The following CGNL1 variants were observed in gnomAD, a reference collection of about 807,000 sequenced individuals.
CGNL1 encodes cingulin like 1.
In CGNL1, 132 loss-of-function variants were observed where a neutral mutation model predicts 141.2. The ratio of observed to expected loss-of-function variants is 0.93; its 90% CI spans 0.81 to 1.08. The LOEUF (loss-of-function observed/expected upper bound fraction) is 1.08. Ranked by LOEUF, CGNL1 falls within the 50% of genes least tolerant of loss-of-function variation. CGNL1 has a pLI of 0.00. For missense variants in CGNL1, 1,870 were observed against 1,588.6 expected (o/e 1.18, Z -3.01); for synonymous variants, 690 against 622.1 (o/e 1.11, Z -1.63).
chr15:57,388,032 T>C (rs1228543942), intron 1 of CGNL1, among the ~76,000 whole-genome samples: 8 of 152,202 alleles, frequency 5.3e-5, no homozygotes, highest in African/African-American at 1.9e-4. Context: ...GAGACTGGAC[T>C]GGAAGGAGGT....
intron 2 of CGNL1, 28 bp from the exon 3 acceptor site, chr15:57,440,349 T>A: frequency 6.5e-7 from 1 of 1,548,036 alleles, no homozygotes; most frequent in African/African-American, 1.4e-5. Flanking sequence ...TTCATCCTCA[T>A]GGTCTAACAA....
At position 57,522,453 on chromosome 15, in the gene CGNL1, C is replaced by G. The variant is rs76284848; in HGVS notation, c.2716-1036C>G. 4.3e-3 allele frequency among the ~76,000 whole-genome samples: 657 copies of G among 152,312 alleles called. 2 individuals are homozygous for G. Among genetic ancestry groups the G allele is most frequent in the African/African-American group, 0.015 (621 of 41,572 alleles). On this transcript the variant is annotated intron_variant, in intron 10 of 18. Coordinates refer to ENST00000281282, the MANE Select transcript of CGNL1 (RefSeq NM_032866.5). ...CACTGTACAAATATAAACCATTGTT[C>G]TTGTGCAGTCACTGCAGGGACACAA...
intron 14 of CGNL1, among the ~76,000 whole-genome samples, chr15:57,536,247 C>T (rs1378586819): frequency 6.6e-6 from 1 of 152,202 alleles, no homozygotes; most frequent in Non-Finnish European, 1.5e-5. Flanking sequence ...AGTTACCTCC[C>T]ACTGGGTCCC....
chr15:57,441,369 A>T (rs7172846), intron 3 of CGNL1, among the ~76,000 whole-genome samples: 35,480 of 149,994 alleles, frequency 0.24, 4,352 homozygotes, highest in Non-Finnish European at 0.28. Context: ...AAAATTCATT[A>T]TTTTTTTTTT....
rs188189841 is a variant in CGNL1, at chr15:57,510,078, T to C, written c.2404-6702T>C. On this transcript the variant is annotated intron_variant, in intron 8 of 18. Transcript: ENST00000281282. ...ATTCTCTGTTTTGAGAAGTCTAGGC[T>C]TGATTTTTTTAGCTGGTAAAAAATG... Among the ~76,000 whole-genome samples, 3 of 152,238 alleles carry C rather than the reference T, an allele frequency of 2.0e-5. No individual in the cohort carries two copies. In the East Asian group the frequency reaches 5.8e-4, roughly 29 times the overall value.
intron 10 of CGNL1, among the ~76,000 whole-genome samples, chr15:57,518,899 A>G (rs2031045020): frequency 6.6e-6 from 1 of 152,130 alleles, no homozygotes; most frequent in Non-Finnish European, 1.5e-5. Flanking sequence ...ATAAAATATG[A>G]GTGGTGTGAG....
chr15:57,400,862 G>A (rs1319677732), intron 1 of CGNL1, among the ~76,000 whole-genome samples: 2 of 129,820 alleles, frequency 1.5e-5, no homozygotes, highest in Admixed American at 9.2e-5. Flanking sequence ...CAGCCTAGGC[G>A]ACAGAATGAG....
At chr15:57,546,531 C>A (rs1377965430) in intron 18 of CGNL1, among the ~76,000 whole-genome samples, 7 of 152,176 alleles carry the variant, frequency 4.6e-5, no homozygotes, top group Non-Finnish European at 2.9e-5. Context: ...ATAAGACTAG[C>A]TCACACCATC....
At chr15:57,526,367 A>G (rs1237927225) in intron 12 of CGNL1, among the ~76,000 whole-genome samples, 1 of 152,078 alleles carries the variant, frequency 6.6e-6, no homozygotes, top group Admixed American at 6.5e-5. Context: ...GTTGTTTAAA[A>G]CAAAAGTGAA....
chr15:57,440,257 A>G, intron 2 of CGNL1, 120 bp from the exon 3 acceptor site: 1 of 710,838 alleles, frequency 1.4e-6, no homozygotes, highest in South Asian at 1.8e-5. Flanking sequence ...CCCCAAGATT[A>G]TGAAGCTGGT....
chr15:57,530,652 C>T (rs1278159437), intron 13 of CGNL1, among the ~76,000 whole-genome samples: 1 of 152,118 alleles, frequency 6.6e-6, no homozygotes, highest in African/African-American at 2.4e-5. Flanking sequence ...GTGCAGGGCC[C>T]AGCTCCAATC....
At chr15:57,455,651 T>A (rs1415757440) in intron 7 of CGNL1, among the ~76,000 whole-genome samples, 1 of 152,224 alleles carries the variant, frequency 6.6e-6, no homozygotes, top group African/African-American at 2.4e-5. Context: ...TAAATAATTT[T>A]TCGTATTTAA....
intron 8 of CGNL1, among the ~76,000 whole-genome samples, chr15:57,472,819 G>A (rs1392711789): frequency 1.3e-5 from 2 of 152,220 alleles, no homozygotes. Flanking sequence ...AGTTTGGTAT[G>A]CTGACGGAGA....
At chr15:57,545,751 G>A in intron 17 of CGNL1, 51 bp downstream of exon 17, 1 of 1,485,464 alleles carries the variant, frequency 6.7e-7, no homozygotes, top group Non-Finnish European at 9.3e-7. Context: ...CGTGTCTCAG[G>A]CTGAGGGAGC....
chr15:57,443,763 A>G (rs577325803), intron 4 of CGNL1, among the ~76,000 whole-genome samples: 1 of 152,258 alleles, frequency 6.6e-6, no homozygotes, highest in African/African-American at 2.4e-5. Context: ...TGTTTGCTAA[A>G]ACTCTGAAGT....
At chr15:57,383,292 C>CTTTTTGTTT (rs1555428835) in intron 1 of CGNL1, among the ~76,000 whole-genome samples, 16 of 109,618 alleles carry the variant, frequency 1.5e-4, no homozygotes, top group African/African-American at 5.8e-4. Flanking sequence ...TTCTTTCTTC[C>CTTTTTGTTT]TTTTTTTTTT....
At chr15:57,406,410 ATTCTGAAC>A (rs1486400904) in intron 1 of CGNL1, among the ~76,000 whole-genome samples, 4 of 152,218 alleles carry the variant, frequency 2.6e-5, no homozygotes, top group Non-Finnish European at 4.4e-5. Context: ...AGGGCAGAGC[ATTCTGAAC>A]TTTACAGGCT....
chr15:57,422,954 A>G (rs1365461018), intron 1 of CGNL1, among the ~76,000 whole-genome samples: 1 of 152,096 alleles, frequency 6.6e-6, no homozygotes, highest in African/African-American at 2.4e-5. Flanking sequence ...TGCCTTGAGA[A>G]TGTGATTTTA....
chr15:57,432,874 C>A (rs1380536484), intron 1 of CGNL1, among the ~76,000 whole-genome samples: 1 of 152,118 alleles, frequency 6.6e-6, no homozygotes, highest in Non-Finnish European at 1.5e-5. Context: ...ATTAATTGAC[C>A]AACAGGGAGC....
Sources: gnomAD v4.1 joint callset for allele counts (sites outside exome capture counted in the v4.1 genomes callset) on GRCh38, gnomAD v4.1.1 for gene constraint, MANE v1.5 for transcripts, NCBI Gene and HGNC (gene_info 2026-07-23, HGNC 2026-07-21) for gene names.